The following FBXL13 variants were observed in gnomAD, a reference collection of about 807,000 sequenced individuals.
The protein encoded by FBXL13 is F-box and leucine rich repeat protein 13.
FBXL13 carries 67 observed loss-of-function variants against 83.6 expected under a neutral mutation model. The observed-to-expected ratio is 0.80, with a 90% CI of 0.66 to 0.98. The LOEUF (loss-of-function observed/expected upper bound fraction) is 0.98, where lower values mean the gene tolerates loss of function less well. Ranked by LOEUF, FBXL13 falls within the 50% of genes least tolerant of loss-of-function variation. The probability of loss-of-function intolerance (pLI) is 0.00; values close to 1 mark genes in which losing one functional copy is unlikely to be tolerated. For missense variants in FBXL13, 822 were observed against 866.5 expected (o/e 0.95, Z 0.64); for synonymous variants, 272 against 299.5 (o/e 0.91, Z 0.95).
chr7:102,842,123 G>A (rs1803048045), intron 17 of FBXL13, among the ~76,000 whole-genome samples: 1 of 152,178 alleles, frequency 6.6e-6, no homozygotes, highest in South Asian at 2.1e-4. Flanking sequence ...ATGGTCAAGA[G>A]ACAAAAGATC....
intron 19 of FBXL13, among the ~76,000 whole-genome samples, chr7:102,819,447 A>C (rs1798498668): frequency 6.6e-6 from 1 of 152,140 alleles, no homozygotes; most frequent in Non-Finnish European, 1.5e-5. Flanking sequence ...CTCATTGACC[A>C]AAAGTTTGCT....
At chr7:103,036,070 G>A (rs1020291525) in intron 2 of FBXL13, among the ~76,000 whole-genome samples, 27 of 152,252 alleles carry the variant, frequency 1.8e-4, no homozygotes, top group Middle Eastern at 3.4e-3. Flanking sequence ...ATGGGAGCAC[G>A]AACCCCACTG....
intron 6 of FBXL13, among the ~76,000 whole-genome samples, chr7:103,005,921 T>C (rs766353655): frequency 6.6e-6 from 1 of 152,082 alleles, no homozygotes; most frequent in Non-Finnish European, 1.5e-5. Context: ...TTGGCTACCA[T>C]GCAAGTTCAG....
At chr7:103,044,466 G>T (rs576446255) in intron 2 of FBXL13, among the ~76,000 whole-genome samples, 5 of 152,258 alleles carry the variant, frequency 3.3e-5, no homozygotes, top group Admixed American at 3.3e-4. Flanking sequence ...TAAGACAGTG[G>T]CACTGTGTTT....
At chr7:102,863,252 C>T (rs1807113588) in intron 16 of FBXL13, among the ~76,000 whole-genome samples, 1 of 152,116 alleles carries the variant, frequency 6.6e-6, no homozygotes, top group Admixed American at 6.5e-5. Context: ...TTATAGGGCT[C>T]CAATTTCTCT....
chr7:102,945,706 T>C (rs1020363049), intron 8 of FBXL13, among the ~76,000 whole-genome samples: 5 of 152,240 alleles, frequency 3.3e-5, no homozygotes, highest in African/African-American at 9.6e-5. Context: ...AATATTCGCA[T>C]GTCCTTAGTG....
intron 8 of FBXL13, among the ~76,000 whole-genome samples, chr7:102,950,858 G>A (rs932754522): frequency 2.6e-4 from 40 of 152,100 alleles, no homozygotes; most frequent in African/African-American, 8.9e-4. Context: ...GCAGGGTGAG[G>A]GGGGATGACC....
Position 102,848,869 on chromosome 7 carries a change from G to A in FBXL13, c.1719+5908C>T, listed in dbSNP as rs943306880. 3.9e-5 allele frequency among the ~76,000 whole-genome samples: 6 copies of A among 152,090 alleles called. No homozygotes were observed. In the South Asian group the frequency reaches 6.2e-4, roughly 16 times the overall value. On this transcript the variant is annotated intron_variant, in intron 17 of 19. Coordinates refer to ENST00000313221, the Ensembl canonical transcript of FBXL13. ...CAAAAAATTAGCCAGGCATGATGGT[G>A]CATGCCTGTAATCCCAGCTACTCGG...
intron 18 of FBXL13, among the ~76,000 whole-genome samples, chr7:102,826,741 A>ATATATATATATATATATATATG (rs2129446473): frequency 1.6e-5 from 1 of 64,042 alleles, no homozygotes; most frequent in African/African-American, 7.5e-5. Context: ...ATATATATAT[A>ATATATATATATATATATATATG]TATATATATA....
At chr7:102,944,805 T>TG (rs1822171017) in intron 8 of FBXL13, 3 of 514,930 alleles carry the variant, frequency 5.8e-6, no homozygotes, top group Admixed American at 3.7e-5. Context: ...TGTCCATTTG[T>TG]GGAACAGCAT....
chr7:102,977,257 A>G (rs905816353), intron 6 of FBXL13, among the ~76,000 whole-genome samples: 11 of 152,304 alleles, frequency 7.2e-5, no homozygotes, highest in African/African-American at 2.4e-4. Flanking sequence ...ATAATCACTA[A>G]CCAAACCGCC....
chr7:102,975,899 C>A, intron 6 of FBXL13: 1 of 753,384 alleles, frequency 1.3e-6, no homozygotes, highest in Non-Finnish European at 2.4e-6. Flanking sequence ...AGGGGCCCTG[C>A]AGGCCATGGG....
At chr7:102,922,890 A>C (rs1010279053) in intron 10 of FBXL13, among the ~76,000 whole-genome samples, 1 of 152,146 alleles carries the variant, frequency 6.6e-6, no homozygotes, top group Non-Finnish European at 1.5e-5. Context: ...AGGCAGGAGA[A>C]TGGCATGAAC....
At chr7:103,032,400 A>T (rs1327755620) in intron 2 of FBXL13, among the ~76,000 whole-genome samples, 1 of 152,210 alleles carries the variant, frequency 6.6e-6, no homozygotes, top group Non-Finnish European at 1.5e-5. Flanking sequence ...TCTCTTAAAA[A>T]ATGAGTACCT....
At chr7:102,939,689 T>A in intron 8 of FBXL13, 2 of 1,036,036 alleles carry the variant, frequency 1.9e-6, no homozygotes, top group Non-Finnish European at 1.4e-6. Flanking sequence ...GTAACTGAAC[T>A]AAATAATAAA....
intron 6 of FBXL13, among the ~76,000 whole-genome samples, chr7:103,023,748 T>C (rs547700872): frequency 1.1e-4 from 16 of 152,282 alleles, no homozygotes; most frequent in African/African-American, 3.8e-4. Context: ...GTAGACTGGA[T>C]TTTTTAAAAT....
exon 14 of FBXL13, chr7:102,883,374 G>C: frequency 6.2e-7 from 1 of 1,613,758 alleles, no homozygotes; most frequent in Non-Finnish European, 8.5e-7. Flanking sequence ...GCTGCTGTCT[G>C]TTATTCCCTT....
intron 2 of FBXL13, among the ~76,000 whole-genome samples, chr7:103,042,627 G>C (rs1795846851): frequency 6.6e-6 from 1 of 152,124 alleles, no homozygotes; most frequent in African/African-American, 2.4e-5. Flanking sequence ...CAGATATATA[G>C]ACCAATGGAA....
chr7:103,021,719 G>A (rs1419377542), intron 6 of FBXL13, among the ~76,000 whole-genome samples: 1 of 152,148 alleles, frequency 6.6e-6, no homozygotes, highest in Non-Finnish European at 1.5e-5. Context: ...GCAGCCAACA[G>A]ACACATGAAA....
Sources: gnomAD v4.1 joint callset for allele counts (sites outside exome capture counted in the v4.1 genomes callset) on GRCh38, gnomAD v4.1.1 for gene constraint, MANE v1.5 for transcripts, NCBI Gene and HGNC (gene_info 2026-07-23, HGNC 2026-07-21) for gene names.